The following CXorf58 variants were observed in gnomAD, a reference collection of about 807,000 sequenced individuals.
The protein encoded by CXorf58 is chromosome X open reading frame 58.
In CXorf58, 24 loss-of-function variants were observed where a neutral mutation model predicts 26.0. The observed-to-expected ratio is 0.92, with a 90% CI of 0.67 to 1.30. The LOEUF (loss-of-function observed/expected upper bound fraction) is 1.30. CXorf58 is among the 50% of genes most tolerant of loss of function. The pLI is 0.00. For missense variants in CXorf58, 236 were observed against 263.9 expected (o/e 0.89, Z 0.73); for synonymous variants, 87 against 86.1 (o/e 1.01, Z -0.06).
chrX:23,935,796 G>T (rs1216437372), intron 7 of CXorf58, among the ~76,000 whole-genome samples: 1 of 108,737 alleles, frequency 9.2e-6, no homozygotes, highest in East Asian at 2.9e-4. Flanking sequence ...TTTTTGAGAC[G>T]GAGTCTCACT....
At chrX:23,934,564 C>A (rs1395073329) in intron 6 of CXorf58, among the ~76,000 whole-genome samples, 3 of 111,593 alleles carry the variant, frequency 2.7e-5, no homozygotes, top group Non-Finnish European at 5.7e-5. Context: ...CCACGCCCAG[C>A]TAATTTTTGT....
chrX:23,923,639 A>AG (rs1447815121), intron 5 of CXorf58, among the ~76,000 whole-genome samples: 1 of 96,130 alleles, frequency 1.0e-5, no homozygotes, highest in Non-Finnish European at 2.1e-5. Flanking sequence ...ACTCTGTCTC[A>AG]GAAAAAAAAA....
intron 6 of CXorf58, 39 bp downstream of exon 6, chrX:23,927,409 A>C: frequency 1.0e-6 from 1 of 969,008 alleles, no homozygotes; most frequent in Non-Finnish European, 1.4e-6. Flanking sequence ...CAAACCCAGC[A>C]AGTCTTCCTA....
intron 5 of CXorf58, among the ~76,000 whole-genome samples, chrX:23,921,322 A>G (rs918028376): frequency 1.1e-4 from 12 of 112,029 alleles, no homozygotes; most frequent in African/African-American, 3.9e-4. Flanking sequence ...TCTGTGCTAC[A>G]ACTTTCACTC....
chrX:23,938,705 G>A lies in CXorf58; in HGVS notation c.939+5G>A. The A allele has an allele frequency of 8.9e-7, 1 of 1,123,149 alleles. No homozygotes were observed. The highest frequency in any genetic ancestry group is 1.2e-6 in the Non-Finnish European group (1 of 833,851). The allele number at this position is 1,123,149 out of a possible 1,213,427, so 92.6% of individuals were successfully genotyped here. A position where few individuals can be genotyped will look rare whatever the true frequency, so the allele number is the denominator to read the frequency against. ...AAAAATACTTCTGAGGTGACTGTAA[G>A]TTTAACTTGTACTGAATTCATTGTT... On this transcript the variant is annotated splice_donor_5th_base_variant and intron_variant, in intron 8 of 8. Coordinates refer to ENST00000379211, the MANE Select transcript of CXorf58 (RefSeq NM_152761.3).
chrX:23,935,549 C>A, intron 7 of CXorf58, 124 bp downstream of exon 7: 1 of 497,495 alleles, frequency 2.0e-6, no homozygotes, highest in African/African-American at 2.4e-5. Flanking sequence ...GCAGATTGCT[C>A]AAAACGTATG....
In CXorf58 at chrX:23,915,723, A is replaced by G. The variant is rs756498282; in HGVS notation, c.240A>G (p.Ile80Met). 8.4e-7 allele frequency: 1 copy of G among 1,190,897 alleles called. No homozygotes were observed. The highest frequency in any genetic ancestry group is 1.8e-5 in the South Asian group (1 of 56,189). The change falls in exon 4 of 9, where the codon ATA becomes ATG. Residue 80 changes from isoleucine (I) to methionine (M), a missense_variant. Ile to Met is a conservative substitution (Grantham distance 10). Transcript: ENST00000379211. The part of the protein sequence containing the change: ...CAAEFYVTHE[I>M]LKKVAPLEAK... The stretch of plus-strand genomic sequence containing the variant: ...AGGAATTCTATGTAACACATGAAAT[A>G]CTGAAGAAAGTGGCCCCCTTAGAGG...
intron 7 of CXorf58, among the ~76,000 whole-genome samples, chrX:23,935,829 A>G (rs1234591594): frequency 1.8e-5 from 2 of 109,095 alleles, no homozygotes; most frequent in African/African-American, 3.3e-5. Flanking sequence ...CTGGAGTGCA[A>G]TGGCGCAATC....
chrX:23,915,860 A>T (rs930498950), intron 4 of CXorf58, 66 bp downstream of exon 4: 2 of 606,396 alleles, frequency 3.3e-6, no homozygotes, highest in African/African-American at 4.6e-5. Context: ...TTAGATATGG[A>T]TTTTTTAAAT....
chrX:23,918,316 C>CTGT (rs1345141905), intron 5 of CXorf58, among the ~76,000 whole-genome samples: 1 of 109,671 alleles, frequency 9.1e-6, no homozygotes, highest in East Asian at 2.8e-4. Context: ...TTTTGTGTAT[C>CTGT]TGTTGTATGT....
At chrX:23,913,648 T>C (rs1056099218) in intron 3 of CXorf58, among the ~76,000 whole-genome samples, 2 of 111,587 alleles carry the variant, frequency 1.8e-5, no homozygotes, top group African/African-American at 6.5e-5. Flanking sequence ...AATCCCAGCG[T>C]GAGCTGGGAT....
At chrX:23,923,035 ATCCTGGAATCTTTGCCTAGT>A (rs1927909733) in intron 5 of CXorf58, among the ~76,000 whole-genome samples, 2 of 112,241 alleles carry the variant, frequency 1.8e-5, no homozygotes, top group African/African-American at 3.2e-5. Flanking sequence ...ATTGGCTGGT[ATCCTGGAATCTTTGCCTAGT>A]TTTTGCCCTT....
At chrX:23,925,426 C>T (rs965859959) in intron 5 of CXorf58, among the ~76,000 whole-genome samples, 9 of 106,666 alleles carry the variant, frequency 8.4e-5, no homozygotes, top group Non-Finnish European at 1.3e-4. Context: ...CAGCTCACTG[C>T]AACCTCCACC....
chrX:23,908,032 G>A lies in CXorf58; in HGVS notation c.-318G>A. The A allele has an allele frequency of 4.9e-6, 1 of 205,926 alleles. No individual in the cohort carries two copies. Among genetic ancestry groups the A allele is most frequent in the Admixed American group, 7.4e-5 (1 of 13,596 alleles). The allele number at this position is 205,926 out of a possible 1,213,427, so 17.0% of individuals were successfully genotyped here. ...TGGACGGTACGCGGAGGCGCGAGGA[G>A]GGAGGCGCCTGGCGTTGCCGCGGCG... On this transcript the variant is annotated 5_prime_UTR_variant, in exon 1 of 9. Coordinates refer to ENST00000379211, the MANE Select transcript of CXorf58 (RefSeq NM_152761.3).
chrX:23,911,994 C>T, intron 3 of CXorf58, 138 bp downstream of exon 3: 1 of 478,356 alleles, frequency 2.1e-6, no homozygotes, highest in South Asian at 2.9e-5. Context: ...CTCTTTCACC[C>T]AGGCTGGAGT....
chrX:23,909,386 T>G lies in CXorf58; in HGVS notation c.-20-897T>G, dbSNP rs200597983. Among the ~76,000 whole-genome samples the G allele has an allele frequency of 3.0e-4, 34 of 111,968 alleles. No individual in the cohort carries two copies. In the East Asian group the frequency reaches 7.0e-3, roughly 23 times the overall value. On this transcript the variant is annotated intron_variant, in intron 1 of 8. Coordinates refer to ENST00000379211, the MANE Select transcript of CXorf58 (RefSeq NM_152761.3). The stretch of plus-strand genomic sequence containing the variant: ...ATGGAAAGCACAGATATTTTCATGT[T>G]ACATTGCAGTCATGTCAGGGATCTT...
intron 5 of CXorf58, among the ~76,000 whole-genome samples, chrX:23,925,791 T>TC (rs1311175003): frequency 1.1e-5 from 1 of 93,730 alleles, no homozygotes; most frequent in African/African-American, 4.0e-5. Context: ...CTTTTCTTTT[T>TC]TTTTTTTTTT....
chrX:23,933,192 G>A (rs1028772088), intron 6 of CXorf58, among the ~76,000 whole-genome samples: 1 of 109,678 alleles, frequency 9.1e-6, no homozygotes, highest in African/African-American at 3.3e-5. Context: ...GTGTGTGTAT[G>A]TGTGTGAGTG....
At position 23,915,775 on chromosome X, in the gene CXorf58, C is replaced by T. The variant is rs779959401; in HGVS notation, c.292C>T (p.Gln98Ter). Residue 98 changes from glutamine to a stop codon, truncating the protein, a stop_gained, in exon 4 of 9, where the codon CAG (glutamine) becomes TAG (stop). Transcript: ENST00000379211. LOFTEE classifies it high-confidence loss of function. ...EAKLIKDPTM[Q>*]CKIRFRFRGE... ...TAAGCTTATTAAGGATCCTACTATG[C>T]AGTGTAAAATTAGATTCAGGTAATG... The T allele has an allele frequency of 1.7e-6, 2 of 1,158,820 alleles. No individual in the cohort carries two copies. The highest frequency in any genetic ancestry group is 2.4e-6 in the Non-Finnish European group (2 of 849,808).
Sources: gnomAD v4.1 joint callset for allele counts (sites outside exome capture counted in the v4.1 genomes callset) on GRCh38, gnomAD v4.1.1 for gene constraint, MANE v1.5 for transcripts, NCBI Gene and HGNC (gene_info 2026-07-23, HGNC 2026-07-21) for gene names.